The following MINAR2 variants were observed in gnomAD, a reference collection of about 807,000 sequenced individuals.
MINAR2 encodes the protein major intrinsically disordered NOTCH2-binding receptor 1-like.
Under a neutral mutation model 16.1 loss-of-function variants are expected in MINAR2, and 21 were observed. That is an observed-to-expected ratio of 1.31 (90% CI 0.93 to 1.88). MINAR2 has a LOEUF of 1.88. Among genes scored for constraint, MINAR2 ranks in the 40% most tolerant of loss-of-function variants. MINAR2 has a pLI of 0.00. For missense variants in MINAR2, 259 were observed against 229.8 expected, an observed-to-expected ratio of 1.13 and a Z score of -0.82; for synonymous variants, 86 against 83.0, an observed-to-expected ratio of 1.04 and a Z score of -0.20.
chr5:129,761,289 G>A (rs11957693), intron 2 of MINAR2, among the ~76,000 whole-genome samples: 13,351 of 152,132 alleles, frequency 0.088, 1,207 homozygotes, highest in African/African-American at 0.23. Flanking sequence ...TTTCTGAATG[G>A]ACTGGATTCC....
In MINAR2 at chr5:129,748,298, G is replaced by A; in HGVS notation, c.108G>A (p.Arg36=). ...SSALLQASLV[R]FPGGNYPAAQ... is the part of the protein sequence containing the mutation. ...CCCTCCTTCAGGCCAGCCTGGTGAG[G>A]TTTCCGGGTGGAAATTATCCTGCTG... The change falls in exon 1 of 3, where the codon AGG becomes AGA. Residue 36 remains arginine, a synonymous_variant. Transcript: ENST00000564719. The A allele has an allele frequency of 6.5e-7, 1 of 1,535,234 alleles. No individual in the cohort carries two copies. The highest frequency in any genetic ancestry group is 8.7e-7 in the Non-Finnish European group (1 of 1,146,558).
intron 1 of MINAR2, among the ~76,000 whole-genome samples, chr5:129,755,546 A>G (rs1361635894): frequency 1.3e-5 from 2 of 151,510 alleles, no homozygotes; most frequent in African/African-American, 4.8e-5. Context: ...AGTTTTTCTT[A>G]AATAAGTTTG....
At position 129,765,100 on chromosome 5, in the gene MINAR2, A is replaced by G. The variant is rs1758193289; in HGVS notation, c.*37A>G. On this transcript the variant is annotated 3_prime_UTR_variant, in exon 3 of 3. Coordinates refer to ENST00000564719, the MANE Select transcript of MINAR2 (RefSeq NM_001257308.2). ...CAATCAGAGCTACTTTAAATTTCCT[A>G]AAAATTTTTCTGATAAACATTTGAA... The G allele has an allele frequency of 2.4e-6, 3 of 1,228,694 alleles. No homozygotes were observed. Among genetic ancestry groups the G allele is most frequent in the Non-Finnish European group, 2.0e-6 (2 of 979,778 alleles). The allele number at this position is 1,228,694 out of a possible 1,614,324, so 76.1% of individuals were successfully genotyped here. A position where few individuals can be genotyped will look rare whatever the true frequency, so the allele number is the denominator to read the frequency against.
At chr5:129,753,086 A>G (rs988094455) in intron 1 of MINAR2, among the ~76,000 whole-genome samples, 1 of 151,744 alleles carries the variant, frequency 6.6e-6, no homozygotes, top group Non-Finnish European at 1.5e-5. Flanking sequence ...CCTTTTTATC[A>G]TGGGTTTTTT....
chr5:129,753,091 T>G (rs7708378), intron 1 of MINAR2, among the ~76,000 whole-genome samples: 143,263 of 152,070 alleles, frequency 0.94, 67,583 homozygotes, highest in East Asian at 1. Context: ...TTATCATGGG[T>G]TTTTTTTTGT....
At chr5:129,759,239 A>T (rs1418008649) in intron 1 of MINAR2, among the ~76,000 whole-genome samples, 2 of 152,144 alleles carry the variant, frequency 1.3e-5, no homozygotes, top group African/African-American at 4.8e-5. Flanking sequence ...TGGGGTGTCT[A>T]AAATACATGA....
intron 1 of MINAR2, among the ~76,000 whole-genome samples, chr5:129,749,043 A>C (rs987230312): frequency 6.6e-6 from 1 of 152,178 alleles, no homozygotes; most frequent in African/African-American, 2.4e-5. Flanking sequence ...AAAGAGAAGA[A>C]TAAAACTGTG....
intron 1 of MINAR2, 90 bp from the exon 2 acceptor site, chr5:129,760,288 T>A (rs1758115037): frequency 2.1e-6 from 2 of 950,258 alleles, no homozygotes; most frequent in South Asian, 3.0e-5. Flanking sequence ...CTGCACAAAA[T>A]CAGCACATTA....
intron 1 of MINAR2, among the ~76,000 whole-genome samples, chr5:129,753,753 AAGAG>A (rs150136899): frequency 4.7e-5 from 7 of 149,140 alleles, no homozygotes; most frequent in South Asian, 2.1e-4. Context: ...ACTCCGTTGA[AAGAG>A]AGAGAGAGAG....
Position 129,765,110 on chromosome 5 carries a change from C to T in MINAR2, c.*47C>T. The T allele has an allele frequency of 8.4e-7, 1 of 1,184,004 alleles. No individual in the cohort carries two copies. The allele number at this position is 1,184,004 out of a possible 1,614,324, so 73.3% of individuals were successfully genotyped here. On this transcript the variant is annotated 3_prime_UTR_variant, in exon 3 of 3. Coordinates refer to ENST00000564719, the MANE Select transcript of MINAR2 (RefSeq NM_001257308.2). Reference sequence around the variant, plus strand: ...TACTTTAAATTTCCTAAAAATTTTTCTGATAAACATTTGAAACCCCCCCCA... The same window carrying T: ...TACTTTAAATTTCCTAAAAATTTTTTTGATAAACATTTGAAACCCCCCCCA...
chr5:129,760,269 G>A, intron 1 of MINAR2, 109 bp from the exon 2 acceptor site: 1 of 784,156 alleles, frequency 1.3e-6, no homozygotes, highest in East Asian at 2.7e-5. Context: ...GTCCTAATCT[G>A]TTGTGTTTCT....
At chr5:129,758,959 G>A (rs1462697005) in intron 1 of MINAR2, among the ~76,000 whole-genome samples, 1 of 151,480 alleles carries the variant, frequency 6.6e-6, no homozygotes, top group Non-Finnish European at 1.5e-5. Context: ...CTCAGAGAAG[G>A]GTCTGCAAGT....
intron 1 of MINAR2, among the ~76,000 whole-genome samples, chr5:129,752,807 G>A (rs975662177): frequency 6.6e-6 from 1 of 151,490 alleles, no homozygotes; most frequent in Non-Finnish European, 1.5e-5. Context: ...ATTGTGGTGG[G>A]CCTTAATTTT....
rs1758118568 is a variant in MINAR2 at position 129,760,479 on chromosome 5, G to C, written c.267G>C (p.Lys89Asn). ...CACCATCCATGTCATCAGTTATGAA[G>C]AATAACCCACTCTATGGTGACCTAA... The part of the protein sequence containing the change: ...SPPPSMSSVM[K>N]NNPLYGDLSL... The change falls in exon 2 of 3, where the codon AAG becomes AAC. Residue 89 changes from lysine (K) to asparagine (N), a missense_variant. By Grantham distance (94) the Lys-to-Asn change is moderately conservative (BLOSUM62 0). Transcript: ENST00000564719. 6.5e-7 allele frequency: 1 copy of C among 1,535,820 alleles called. No homozygotes were observed. Among genetic ancestry groups the C allele is most frequent in the African/African-American group, 1.4e-5 (1 of 73,124 alleles).
At chr5:129,763,227 G>C (rs1223750108) in intron 2 of MINAR2, among the ~76,000 whole-genome samples, 1 of 152,126 alleles carries the variant, frequency 6.6e-6, no homozygotes, top group Non-Finnish European at 1.5e-5. Flanking sequence ...TGTTTTACAG[G>C]TCTCATAAGG....
At position 129,748,313 on chromosome 5, in the gene MINAR2, T is replaced by C; in HGVS notation, c.123T>C (p.Asn41=). The change falls in exon 1 of 3, where the codon AAT becomes AAC. Residue 41 remains asparagine, a synonymous_variant. Coordinates refer to ENST00000564719, the MANE Select transcript of MINAR2 (RefSeq NM_001257308.2). The stretch of plus-strand genomic sequence containing the variant: ...GCCTGGTGAGGTTTCCGGGTGGAAA[T>C]TATCCTGCTGCACAACACTGGCAAA... ...QASLVRFPGG[N]YPAAQHWQNL... 6.5e-7 allele frequency: 1 copy of C among 1,535,166 alleles called. No homozygotes were observed. Among genetic ancestry groups the C allele is most frequent in the African/African-American group, 1.4e-5 (1 of 73,122 alleles).
intron 1 of MINAR2, among the ~76,000 whole-genome samples, chr5:129,756,260 G>A (rs1758052566): frequency 6.6e-6 from 1 of 151,480 alleles, no homozygotes; most frequent in African/African-American, 2.4e-5. Flanking sequence ...ATTTTCAATT[G>A]TTTAATAAAG....
rs905933748 is a variant in MINAR2 at position 129,765,497 on chromosome 5, AT to A, written c.*444del. ...ATCACCAGAAAAGTTTGAGCTGATA[AT>A]TTTTTTTTTAACCAACTGCTGGGTA... On this transcript the variant is annotated 3_prime_UTR_variant, in exon 3 of 3. Coordinates refer to ENST00000564719, the MANE Select transcript of MINAR2 (RefSeq NM_001257308.2). 22 of 151,762 alleles carry A rather than the reference AT, an allele frequency of 1.4e-4. No homozygotes were observed. Among genetic ancestry groups the A allele is most frequent in the Non-Finnish European group, 2.2e-4 (15 of 68,378 alleles). The allele number at this position is 151,762 out of a possible 1,614,324, so 9.4% of individuals were successfully genotyped here. A position where few individuals can be genotyped will look rare whatever the true frequency, so the allele number is the denominator to read the frequency against.
chr5:129,761,757 G>A lies in MINAR2; in HGVS notation c.393+1152G>A, dbSNP rs1015802085. On this transcript the variant is annotated intron_variant, in intron 2 of 2. Transcript: ENST00000564719. ...CTGATTTATTTTACAGACATTTCTTGACTGTATGTTAGGGCCTCTTCCTTT... is the reference window on the plus strand; with the variant it reads ...CTGATTTATTTTACAGACATTTCTTAACTGTATGTTAGGGCCTCTTCCTTT... Among the ~76,000 whole-genome samples, 3 of 152,048 alleles carry A rather than the reference G, an allele frequency of 2.0e-5. No homozygotes were observed. The East Asian group carries it at 5.8e-4, about 29-fold the overall frequency.
Sources: allele counts gnomAD v4.1 joint callset (sites outside exome capture counted in the v4.1 genomes callset), GRCh38; gene constraint gnomAD v4.1.1; transcripts MANE v1.5; gene names NCBI Gene and HGNC (gene_info 2026-07-23, HGNC 2026-07-21).